The following ATP2C1 variants were observed in gnomAD, a reference collection of about 807,000 sequenced individuals.
ATP2C1 encodes the protein calcium-transporting ATPase type 2C member 1.
A neutral mutation model predicts 120.5 loss-of-function variants in ATP2C1; 31 were observed. That is an observed-to-expected ratio of 0.26 (90% CI 0.19 to 0.35). The LOEUF (loss-of-function observed/expected upper bound fraction) is 0.35. Ranked by LOEUF, ATP2C1 falls within the 10% of genes least tolerant of loss-of-function variation. The pLI is 1.00. For synonymous variants in ATP2C1, 351 were observed against 358.7 expected (o/e 0.98, Z 0.24); for missense variants, 731 against 1,107.5 (o/e 0.66, Z 4.83).
At chr3:130,941,448 G>A (rs1490038324) in intron 7 of ATP2C1, 143 bp from the exon 8 acceptor site, 2 of 678,860 alleles carry the variant, frequency 2.9e-6, no homozygotes, top group Admixed American at 5.5e-5. Flanking sequence ...TGTCATCTTG[G>A]CATCTTAAGT....
intron 2 of ATP2C1, chr3:130,918,154 A>T: frequency 2.1e-6 from 2 of 934,710 alleles, no homozygotes; most frequent in Admixed American, 3.7e-5. Context: ...TAGTTTAGAA[A>T]GATTATCTGT....
chr3:130,894,635 G>C lies in ATP2C1; in HGVS notation c.-135G>C, dbSNP rs1300748182. 3.1e-6 allele frequency: 5 copies of C among 1,598,856 alleles called. No individual in the cohort carries two copies. Among genetic ancestry groups the C allele is most frequent in the Non-Finnish European group, 3.4e-6 (4 of 1,171,252 alleles). ...GGGAGCAGCCGTGGGACGCGTGGCC[G>C]GGAGCGGGGGTGACAGCCTGGGATT... On this transcript the variant is annotated 5_prime_UTR_variant, in exon 2 of 28. Transcript: ENST00000510168. This position sits in a 1 kb window ranked among gnomAD's most constrained non-coding sequence, Gnocchi z 4.5.
At chr3:130,861,891 G>A (rs989300612) in intron 1 of ATP2C1, among the ~76,000 whole-genome samples, 5 of 152,152 alleles carry the variant, frequency 3.3e-5, no homozygotes, top group Admixed American at 6.5e-5. Context: ...CACCCTAAAT[G>A]TTTTGTTCCT....
chr3:130,991,837 G>A lies in ATP2C1; in HGVS notation c.1840-1114G>A, dbSNP rs181905488. Among the ~76,000 whole-genome samples, 60 of 152,280 alleles carry A rather than the reference G, an allele frequency of 3.9e-4. 1 individual carries two copies. Among genetic ancestry groups the A allele is most frequent in the Admixed American group, 3.4e-3 (52 of 15,292 alleles). On this transcript the variant is annotated intron_variant, in intron 20 of 27. Transcript: ENST00000510168. ...ATACAGATACTGAGTTGGGGGAATT[G>A]TGGAAATTCTCTTCTGATTCTGATT...
chr3:130,915,952 G>T (rs1019908971), intron 2 of ATP2C1, among the ~76,000 whole-genome samples: 2 of 152,290 alleles, frequency 1.3e-5, no homozygotes, highest in African/African-American at 4.8e-5. Context: ...AATAACAGAG[G>T]ATTAGCCATC....
In ATP2C1 at chr3:131,001,134, TTA is replaced by T. The variant is rs1205663400; in HGVS notation, c.2630-85_2630-84del. ...AAAAAAAAAAAAAAAAAAAGTTGTGTTAAAATGCTAGAAAAATGTAAGCTATT... is the reference window on the plus strand; with the variant it reads ...AAAAAAAAAAAAAAAAAAAGTTGTGTAAATGCTAGAAAAATGTAAGCTATT... On this transcript the variant is annotated intron_variant, in intron 27 of 27. Transcript: ENST00000510168. 1.6e-4 allele frequency: 174 copies of T among 1,083,922 alleles called. No homozygotes were observed. The African/African-American group carries it at 2.7e-3, about 17-fold the overall frequency. 67.1% of individuals were successfully genotyped at this position (1,083,922 alleles called of 1,614,324 possible).
intron 2 of ATP2C1, among the ~76,000 whole-genome samples, chr3:130,924,298 T>C (rs560004796): frequency 5.9e-5 from 9 of 152,344 alleles, no homozygotes; most frequent in African/African-American, 2.2e-4. Flanking sequence ...CATTTGTTTG[T>C]CTGATAAAGA....
chr3:130,852,175 C>T (rs530867433), intron 1 of ATP2C1, among the ~76,000 whole-genome samples: 10 of 152,284 alleles, frequency 6.6e-5, no homozygotes, highest in African/African-American at 2.4e-4. Context: ...TCAGCCTGCA[C>T]TTGCTTTTGA....
At chr3:130,985,246 G>C (rs1414128277) in intron 20 of ATP2C1, among the ~76,000 whole-genome samples, 1 of 152,156 alleles carries the variant, frequency 6.6e-6, no homozygotes, top group Non-Finnish European at 1.5e-5. Context: ...TACGCTTCCA[G>C]TGTTGGAAAT....
chr3:130,936,412 T>C (rs539711868), intron 5 of ATP2C1, among the ~76,000 whole-genome samples: 24 of 152,352 alleles, frequency 1.6e-4, no homozygotes, highest in Non-Finnish European at 2.1e-4. Context: ...GGTGCATTGA[T>C]ACAGTTTTAT....
chr3:130,894,620 G>T lies in ATP2C1; in HGVS notation c.-150G>T, dbSNP rs893363808. 3 of 1,589,414 alleles carry T rather than the reference G, an allele frequency of 1.9e-6. No homozygotes were observed. The African/African-American group carries it at 4.0e-5, about 21-fold the overall frequency. ...GCTGCTAGGGGTGGTGGGAGCAGCC[G>T]TGGGACGCGTGGCCGGGAGCGGGGG... is the stretch of plus-strand genomic sequence containing the variant. On this transcript the variant is annotated 5_prime_UTR_variant, in exon 2 of 28. Coordinates refer to ENST00000510168, the MANE Select transcript of ATP2C1 (RefSeq NM_001378687.1). This position sits in a 1 kb window ranked among gnomAD's most constrained non-coding sequence, Gnocchi z 4.5.
intron 2 of ATP2C1, among the ~76,000 whole-genome samples, chr3:130,924,587 G>A (rs768937243): frequency 5.9e-5 from 9 of 152,060 alleles, no homozygotes; most frequent in Non-Finnish European, 1.2e-4. Context: ...AGGTATTTTT[G>A]AGCCTCTTGA....
intron 1 of ATP2C1, among the ~76,000 whole-genome samples, chr3:130,871,242 C>CA (rs1263419337): frequency 6.6e-6 from 1 of 152,180 alleles, no homozygotes; most frequent in African/African-American, 2.4e-5. Flanking sequence ...GGTCTCAAAC[C>CA]AAGCTCACAA....
intron 2 of ATP2C1, among the ~76,000 whole-genome samples, chr3:130,914,868 C>G (rs564049491): frequency 7.9e-5 from 12 of 152,186 alleles, no homozygotes; most frequent in Admixed American, 2.0e-4. Flanking sequence ...ATAGAAGAAG[C>G]CCAATTATTT....
rs1289252973 is a variant in ATP2C1, at chr3:130,867,701, C to G, written c.108+16773C>G. The stretch of plus-strand genomic sequence containing the variant: ...AAAGAGCCGAGATTGCAGCCTCTGC[C>G]CGGCCGCCACCCCGTCTGGGAAGTG... On this transcript the variant is annotated intron_variant, in intron 1 of 26. Coordinates refer to the ATP2C1 transcript ENST00000504381. Among the ~76,000 whole-genome samples the G allele has an allele frequency of 7.2e-4, 108 of 149,214 alleles. 1 individual carries two copies. In the East Asian group the frequency reaches 0.018, roughly 25 times the overall value.
chr3:130,955,102 G>A, intron 10 of ATP2C1, 22 bp downstream of exon 10: 1 of 1,508,664 alleles, frequency 6.6e-7, no homozygotes, highest in Non-Finnish European at 9.2e-7. Context: ...ATATGTTAAT[G>A]ATGTATTTGT....
Position 130,986,913 on chromosome 3 carries a change from GT to G in ATP2C1, c.1840-6035del, listed in dbSNP as rs368718142. Among the ~76,000 whole-genome samples the G allele has an allele frequency of 2.6e-4, 9 of 34,356 alleles. No individual in the cohort carries two copies. The South Asian group carries it at 3.3e-3, about 12-fold the overall frequency. The allele number at this position is 34,356 out of a possible 152,430, so 22.5% of individuals were successfully genotyped here. A position where few individuals can be genotyped will look rare whatever the true frequency, so the allele number is the denominator to read the frequency against. Reference sequence around the variant, plus strand: ...GTTTAGTTTAGTTTAGTTTAGTTTAGTTTAGTTTAGTTAGTTTAGTTTAGTT... The same window carrying G: ...GTTTAGTTTAGTTTAGTTTAGTTTAGTTAGTTTAGTTAGTTTAGTTTAGTT... On this transcript the variant is annotated intron_variant, in intron 20 of 27. Coordinates refer to ENST00000510168, the MANE Select transcript of ATP2C1 (RefSeq NM_001378687.1).
At chr3:130,957,621 A>G (rs537322898) in intron 11 of ATP2C1, among the ~76,000 whole-genome samples, 12 of 152,222 alleles carry the variant, frequency 7.9e-5, no homozygotes, top group African/African-American at 2.9e-4. Context: ...ATCCCGGCTG[A>G]CTGTAACCTC....
In ATP2C1 at chr3:130,940,733, A is replaced by G. The variant is rs761058547; in HGVS notation, c.422+42A>G. The G allele has an allele frequency of 2.7e-6, 4 of 1,467,488 alleles. No homozygotes were observed. In the East Asian group the frequency reaches 9.1e-5, roughly 33 times the overall value. 90.9% of individuals were successfully genotyped at this position (1,467,488 alleles called of 1,614,324 possible). A position where few individuals can be genotyped will look rare whatever the true frequency, so the allele number is the denominator to read the frequency against. On this transcript the variant is annotated intron_variant, in intron 7 of 27. Transcript: ENST00000510168. ...GGTATGGATTTCTGCCCCTTTAAAA[A>G]TAGAAGTTGAATGTGACTAGTACCG...
Sources: gnomAD v4.1 joint callset for allele counts (sites outside exome capture counted in the v4.1 genomes callset) on GRCh38, gnomAD v4.1.1 for gene constraint, Gnocchi (gnomAD v3.1) non-coding constraint, MANE v1.5 for transcripts, NCBI Gene and HGNC (gene_info 2026-07-23, HGNC 2026-07-21) for gene names.